The following ABCA13 variants were observed in gnomAD, a reference collection of about 807,000 sequenced individuals.
ABCA13 encodes the protein ATP-binding cassette sub-family A member 13.
ABCA13 carries 476 observed loss-of-function variants against 478.7 expected under a neutral mutation model. The ratio of observed to expected loss-of-function variants is 0.99; its 90% CI spans 0.92 to 1.07. The LOEUF (loss-of-function observed/expected upper bound fraction) is 1.07. Ranked by LOEUF, ABCA13 falls within the 50% of genes least tolerant of loss-of-function variation. The probability of loss-of-function intolerance (pLI) is 0.00; values close to 1 mark genes in which losing one functional copy is unlikely to be tolerated. For synonymous variants in ABCA13, 2,252 were observed against 2,158.9 expected, an observed-to-expected ratio of 1.04 and a Z score of -1.20; for missense variants, 6,060 against 5,910.6, an observed-to-expected ratio of 1.03 and a Z score of -0.83.
rs1228855261 is a variant in ABCA13, at chr7:48,281,357, G to C, written c.8741G>C (p.Cys2914Ser). 1.2e-6 allele frequency: 2 copies of C among 1,605,212 alleles called. No homozygotes were observed. The highest frequency in any genetic ancestry group is 1.1e-5 in the South Asian group (1 of 89,038). The change falls in exon 19 of 62, where the codon TGT becomes TCT. Residue 2914 changes from cysteine to serine, a missense_variant. By Grantham distance (112) the Cys-to-Ser change is moderately radical. Coordinates refer to ENST00000435803, the MANE Select transcript of ABCA13 (RefSeq NM_152701.5). The part of the protein sequence containing the change: ...PLTDQSVVEI[C>S]EVFQQTVKPS... Reference sequence around the variant, plus strand: ...TTTTTGCTAAGTGTTGTTGAGATTTGTGAAGTTTTCCAGCAGACTGTGAAG... The same window carrying C: ...TTTTTGCTAAGTGTTGTTGAGATTTCTGAAGTTTTCCAGCAGACTGTGAAG...
At position 48,391,844 on chromosome 7, in the gene ABCA13, C is replaced by T. The variant is rs546911719; in HGVS notation, c.11655-77C>T. The T allele has an allele frequency of 3.2e-4, 456 of 1,416,692 alleles. 2 individuals are homozygous for T. In the African/African-American group the frequency reaches 5.3e-3, roughly 16 times the overall value. 87.8% of individuals were successfully genotyped at this position (1,416,692 alleles called of 1,614,324 possible). ...GCTCTTGGCAGGATGCATGCGCCAT[C>T]CTGGAGCTGACTGGATTGCTGACGT... On this transcript the variant is annotated intron_variant, in intron 37 of 61. Transcript: ENST00000435803.
At chr7:48,229,636 AT>A (rs1351280141) in intron 6 of ABCA13, among the ~76,000 whole-genome samples, 188 bp from the exon 7 acceptor site, 1 of 152,218 alleles carries the variant, frequency 6.6e-6, no homozygotes, top group Admixed American at 6.5e-5. Flanking sequence ...TACCTCTTAC[AT>A]TTAGTTACTA....
chr7:48,392,098 G>T lies in ABCA13; in HGVS notation c.11832G>T (p.Ala3944=). The T allele has an allele frequency of 6.2e-7, 1 of 1,613,920 alleles. No homozygotes were observed. Among genetic ancestry groups the T allele is most frequent in the Non-Finnish European group, 8.5e-7 (1 of 1,179,872 alleles). The part of the protein sequence containing the change: ...EHLLLFASIK[A]PQWTKKELHQ... ...TGCTGCTCTTTGCTTCCATAAAGGC[G>T]CCTCAGTGGACCAAGAAGGAGCTGC... The change falls in exon 38 of 62, where the codon GCG becomes GCT. Residue 3944 remains alanine, a synonymous_variant. Coordinates refer to ENST00000435803, the MANE Select transcript of ABCA13 (RefSeq NM_152701.5).
intron 21 of ABCA13, 72 bp from the exon 22 acceptor site, chr7:48,297,160 G>A: frequency 8.1e-7 from 1 of 1,239,590 alleles, no homozygotes; most frequent in Non-Finnish European, 1.2e-6. Flanking sequence ...AGCTGAGGCA[G>A]TATTATTCAT....
chr7:48,341,169 C>T (rs1807103276), intron 29 of ABCA13, among the ~76,000 whole-genome samples: 1 of 152,148 alleles, frequency 6.6e-6, no homozygotes. Context: ...ACCATGTTTC[C>T]CTTTTCCTAG....
intron 36 of ABCA13, among the ~76,000 whole-genome samples, 158 bp from the exon 37 acceptor site, chr7:48,388,882 C>T (rs1815601031): frequency 6.6e-6 from 1 of 152,156 alleles, no homozygotes; most frequent in Non-Finnish European, 1.5e-5. Context: ...ATTATATAGT[C>T]TGCTTCTTGT....
chr7:48,455,303 C>G lies in ABCA13; in HGVS notation c.12815+17C>G. The G allele has an allele frequency of 6.3e-7, 1 of 1,582,478 alleles. No individual in the cohort carries two copies. The highest frequency in any genetic ancestry group is 1.1e-5 in the South Asian group (1 of 87,694). On this transcript the variant is annotated intron_variant, in intron 43 of 61. Transcript: ENST00000435803. ...CTTTTTCAGGTAAGTTGTTTTTGTT[C>G]CTTTGATTTCGAAATTATGTCGAGG...
chr7:48,234,927 G>A (rs946376576), intron 8 of ABCA13, among the ~76,000 whole-genome samples: 7 of 152,194 alleles, frequency 4.6e-5, no homozygotes, highest in Non-Finnish European at 7.3e-5. Context: ...TGCTGGTTAT[G>A]TAGATTTTGC....
chr7:48,283,986 C>T (rs1238466003), intron 19 of ABCA13, among the ~76,000 whole-genome samples: 1 of 152,178 alleles, frequency 6.6e-6, no homozygotes, highest in African/African-American at 2.4e-5. Flanking sequence ...AAATGAGTCA[C>T]CTCCAAGGGG....
chr7:48,415,334 C>A (rs62447274), intron 41 of ABCA13, among the ~76,000 whole-genome samples: 29,727 of 151,980 alleles, frequency 0.2, 3,297 homozygotes, highest in East Asian at 0.25. Context: ...GGGGGGTTAT[C>A]GAGAGAAATT....
intron 31 of ABCA13, among the ~76,000 whole-genome samples, chr7:48,352,894 A>G (rs916099228): frequency 6.6e-6 from 1 of 152,118 alleles, no homozygotes; most frequent in Admixed American, 6.5e-5. Context: ...AGGGTGGTGA[A>G]GGATTCCATA....
intron 24 of ABCA13, among the ~76,000 whole-genome samples, chr7:48,312,315 C>T (rs1178581183): frequency 1.3e-5 from 2 of 152,200 alleles, no homozygotes; most frequent in Non-Finnish European, 2.9e-5. Flanking sequence ...CTGGCATTTC[C>T]TCATTTATCC....
At chr7:48,590,216 T>G (rs959777377) in intron 57 of ABCA13, among the ~76,000 whole-genome samples, 5 of 152,028 alleles carry the variant, frequency 3.3e-5, no homozygotes, top group Non-Finnish European at 7.4e-5. Flanking sequence ...CCAGATTCAC[T>G]TATGTTGTTG....
At chr7:48,538,538 A>C (rs1203222481) in intron 55 of ABCA13, among the ~76,000 whole-genome samples, 2 of 152,186 alleles carry the variant, frequency 1.3e-5, no homozygotes, top group Admixed American at 1.3e-4. Flanking sequence ...ACCTCAAGAA[A>C]CAGAACCAGA....
At chr7:48,313,488 C>A (rs903435354) in intron 25 of ABCA13, among the ~76,000 whole-genome samples, 1 of 152,184 alleles carries the variant, frequency 6.6e-6, no homozygotes, top group African/African-American at 2.4e-5. Flanking sequence ...CATGCATTAT[C>A]TATAAAGTAA....
chr7:48,419,080 C>T (rs1415220873), intron 41 of ABCA13, among the ~76,000 whole-genome samples: 2 of 152,096 alleles, frequency 1.3e-5, no homozygotes, highest in Non-Finnish European at 2.9e-5. Context: ...TTTTAAACAA[C>T]CAGATCTCAC....
chr7:48,193,171 A>G (rs1797332609), intron 2 of ABCA13, 119 bp downstream of exon 2: 2 of 732,458 alleles, frequency 2.7e-6, no homozygotes, highest in Non-Finnish European at 4.4e-6. Context: ...ATAGGGTTTC[A>G]TTATGACAAT....
intron 3 of ABCA13, among the ~76,000 whole-genome samples, chr7:48,204,614 T>C (rs1213761422): frequency 2.0e-5 from 3 of 152,132 alleles, no homozygotes; most frequent in African/African-American, 7.2e-5. Context: ...TCCGATGCTT[T>C]GGGGCCCTCC....
intron 24 of ABCA13, among the ~76,000 whole-genome samples, chr7:48,312,428 G>T (rs544631960): frequency 2.7e-5 from 4 of 149,966 alleles, no homozygotes; most frequent in African/African-American, 9.9e-5. Context: ...CTTGCCTCCA[G>T]TGTAGAACTG....
Sources: allele counts gnomAD v4.1 joint callset (sites outside exome capture counted in the v4.1 genomes callset), GRCh38; gene constraint gnomAD v4.1.1; transcripts MANE v1.5; gene names NCBI Gene and HGNC (gene_info 2026-07-23, HGNC 2026-07-21).